The following SDK1 variants were observed in gnomAD, a reference collection of about 807,000 sequenced individuals.
The protein encoded by SDK1 is sidekick cell adhesion molecule 1.
Under a neutral mutation model 245.5 loss-of-function variants are expected in SDK1, and 157 were observed. That is an observed-to-expected ratio of 0.64 (90% CI 0.56 to 0.73). SDK1 has a LOEUF of 0.73. Ranked by LOEUF, SDK1 falls within the 30% of genes least tolerant of loss-of-function variation. The probability of loss-of-function intolerance (pLI) is 0.00; values close to 1 mark genes in which losing one functional copy is unlikely to be tolerated. For missense variants in SDK1, 3,583 were observed against 3,002.3 expected (o/e 1.19, Z -4.52); for synonymous variants, 1,647 against 1,278.5 (o/e 1.29, Z -6.15).
chr7:4,109,477 C>T (rs73046423), intron 22 of SDK1, among the ~76,000 whole-genome samples: 7,015 of 152,288 alleles, frequency 0.046, 230 homozygotes, highest in Admixed American at 0.066. Flanking sequence ...AAGCCACTTA[C>T]GAAGTGTTAA....
intron 1 of SDK1, among the ~76,000 whole-genome samples, chr7:3,566,917 G>A (rs1438304648): frequency 6.6e-6 from 1 of 152,146 alleles, no homozygotes; most frequent in African/African-American, 2.4e-5. Context: ...GAGGATGGTA[G>A]ATACAAGTGG....
At chr7:4,066,459 G>A (rs548500492) in intron 19 of SDK1, among the ~76,000 whole-genome samples, 34 of 152,132 alleles carry the variant, frequency 2.2e-4, no homozygotes, top group Non-Finnish European at 4.7e-4. Flanking sequence ...CTCGTAAGAC[G>A]CCAGCCTCCC....
chr7:3,981,920 G>C (rs1181102820), intron 13 of SDK1, among the ~76,000 whole-genome samples: 1 of 152,248 alleles, frequency 6.6e-6, no homozygotes, highest in African/African-American at 2.4e-5. Context: ...AGTGACGAGG[G>C]TGGCTACAGT....
At chr7:3,956,264 A>T (rs767570630) in intron 7 of SDK1, among the ~76,000 whole-genome samples, 1 of 152,144 alleles carries the variant, frequency 6.6e-6, no homozygotes, top group Admixed American at 6.5e-5. Context: ...CTCATTTACA[A>T]TGGGTTTTCC....
intron 1 of SDK1, among the ~76,000 whole-genome samples, chr7:3,577,304 T>A (rs968846439): frequency 2.6e-5 from 4 of 152,058 alleles, no homozygotes; most frequent in African/African-American, 9.7e-5. Context: ...GTTCTGTTAT[T>A]TACACCATTT....
intron 1 of SDK1, among the ~76,000 whole-genome samples, chr7:3,343,054 C>T (rs180672667): frequency 1.3e-5 from 2 of 148,966 alleles, no homozygotes; most frequent in East Asian, 2.0e-4. Flanking sequence ...AAACATTGCT[C>T]ATACATTGCT....
chr7:3,670,301 C>T (rs1033222117), intron 4 of SDK1, among the ~76,000 whole-genome samples: 1 of 152,104 alleles, frequency 6.6e-6, no homozygotes, highest in Non-Finnish European at 1.5e-5. Flanking sequence ...CTTCCCTTAT[C>T]TACCTAAATT....
At chr7:3,321,779 T>TC (rs1481849005) in intron 1 of SDK1, among the ~76,000 whole-genome samples, 247 of 7,584 alleles carry the variant, frequency 0.033, 7 homozygotes, top group African/African-American at 0.14. Flanking sequence ...TCCTTCCTTC[T>TC]CCTTCCTTCC....
intron 14 of SDK1, among the ~76,000 whole-genome samples, chr7:4,001,143 G>T (rs781550578): frequency 6.6e-6 from 1 of 152,168 alleles, no homozygotes; most frequent in East Asian, 1.9e-4. Flanking sequence ...CGCACGGTGC[G>T]GAATACAGCG....
chr7:3,833,429 G>T (rs7806513), intron 5 of SDK1, among the ~76,000 whole-genome samples: 13,800 of 152,176 alleles, frequency 0.091, 2,035 homozygotes, highest in African/African-American at 0.31. Flanking sequence ...ACAAAGGCTT[G>T]CTTTCATTTG....
chr7:3,658,328 G>A (rs890722568), intron 4 of SDK1, among the ~76,000 whole-genome samples: 1 of 151,984 alleles, frequency 6.6e-6, no homozygotes, highest in Non-Finnish European at 1.5e-5. Context: ...CCCTAATATC[G>A]AGGTCATCCT....
At position 4,109,447 on chromosome 7, in the gene SDK1, C is replaced by T. The variant is rs115588569; in HGVS notation, c.3325-1216C>T. Among the ~76,000 whole-genome samples, 404 of 152,348 alleles carry T rather than the reference C, an allele frequency of 2.7e-3. 2 individuals are homozygous for T. Among genetic ancestry groups the T allele is most frequent in the African/African-American group, 8.9e-3 (370 of 41,580 alleles). On this transcript the variant is annotated intron_variant, in intron 22 of 44. Transcript: ENST00000404826. ...GTTTCCTCTGCACACTTAGTGAGCA[C>T]GTTTCCTATCCTGTCATTTAAGCCA... is the stretch of plus-strand genomic sequence containing the variant.
intron 1 of SDK1, among the ~76,000 whole-genome samples, chr7:3,458,039 C>G (rs1369638868): frequency 6.6e-6 from 1 of 152,134 alleles, no homozygotes; most frequent in Non-Finnish European, 1.5e-5. Context: ...TCCAGTGATT[C>G]TCTTGACAAT....
chr7:4,189,685 A>G (rs531048298), intron 35 of SDK1, among the ~76,000 whole-genome samples: 1 of 152,314 alleles, frequency 6.6e-6, no homozygotes, highest in East Asian at 1.9e-4. Flanking sequence ...TACTAAAAAT[A>G]CAAAAATTAG....
chr7:3,550,164 C>A (rs1017804352), intron 1 of SDK1, among the ~76,000 whole-genome samples: 1 of 152,046 alleles, frequency 6.6e-6, no homozygotes, highest in African/African-American at 2.4e-5. Flanking sequence ...ATGCATATCT[C>A]AAATTTACAT....
At chr7:3,451,509 A>C (rs73293202) in intron 1 of SDK1, among the ~76,000 whole-genome samples, 3,302 of 152,220 alleles carry the variant, frequency 0.022, 130 homozygotes, top group African/African-American at 0.076. Context: ...AGATGATCAC[A>C]CTGCATCAAT....
chr7:3,397,188 A>G (rs1055529759), intron 1 of SDK1, among the ~76,000 whole-genome samples: 2 of 151,948 alleles, frequency 1.3e-5, no homozygotes, highest in Non-Finnish European at 2.9e-5. Flanking sequence ...ACAAAGTTTT[A>G]TAATTATTGC....
chr7:3,377,883 A>G (rs540468719), intron 1 of SDK1, among the ~76,000 whole-genome samples: 1 of 152,196 alleles, frequency 6.6e-6, no homozygotes, highest in South Asian at 2.1e-4. Flanking sequence ...GGCTCAAGCA[A>G]TTCTCCTGCG....
At chr7:3,706,698 G>C (rs945744386) in intron 4 of SDK1, among the ~76,000 whole-genome samples, 4 of 152,110 alleles carry the variant, frequency 2.6e-5, no homozygotes, top group Non-Finnish European at 4.4e-5. Flanking sequence ...CACTGTGCTC[G>C]GCCAGCAACT....
Sources: allele counts gnomAD v4.1 joint callset (sites outside exome capture counted in the v4.1 genomes callset), GRCh38; gene constraint gnomAD v4.1.1; transcripts MANE v1.5; gene names NCBI Gene and HGNC (gene_info 2026-07-23, HGNC 2026-07-21).